ROR1: variants seen among roughly 807,000 people sequenced by gnomAD.
The protein encoded by ROR1 is ROR family WNT receptor 1.
Under a neutral mutation model 78.8 loss-of-function variants are expected in ROR1, and 19 were observed. The observed-to-expected ratio is 0.24, with a 90% CI of 0.17 to 0.35. ROR1 has a LOEUF of 0.35. Ranked by LOEUF, ROR1 falls within the 10% of genes least tolerant of loss-of-function variation. ROR1 has a pLI of 1.00. For missense variants in ROR1, 917 were observed against 1,177.8 expected (o/e 0.78, Z 3.24); for synonymous variants, 386 against 433.6 (o/e 0.89, Z 1.36).
chr1:63,862,707 G>A (rs1645189752), intron 1 of ROR1, among the ~76,000 whole-genome samples: 1 of 152,008 alleles, frequency 6.6e-6, no homozygotes, highest in South Asian at 2.1e-4. Flanking sequence ...TTCTTGGTGT[G>A]AATTCTGCCT....
intron 2 of ROR1, among the ~76,000 whole-genome samples, chr1:64,033,924 A>G (rs1448312383): frequency 1.3e-5 from 2 of 152,234 alleles, no homozygotes; most frequent in Non-Finnish European, 2.9e-5. Context: ...TGACACAGCC[A>G]GGACTCAAAC....
chr1:63,791,608 C>T (rs1644727288), intron 1 of ROR1, among the ~76,000 whole-genome samples: 1 of 152,042 alleles, frequency 6.6e-6, no homozygotes, highest in Non-Finnish European at 1.5e-5. Context: ...GCTGAGACCC[C>T]CATGCCTCAT....
chr1:64,108,453 G>A (rs1299810565), intron 4 of ROR1: 1 of 139,026 alleles, frequency 7.2e-6, no homozygotes, highest in Non-Finnish European at 1.5e-5. Flanking sequence ...AGCTTTAAGT[G>A]CTAGGACACA....
chr1:64,086,474 A>G (rs1647156408), intron 4 of ROR1, among the ~76,000 whole-genome samples: 1 of 152,248 alleles, frequency 6.6e-6, no homozygotes, highest in African/African-American at 2.4e-5. Flanking sequence ...TGTTCCTGCC[A>G]TCACAAGGCC....
At chr1:64,017,551 T>G (rs1363826881) in intron 2 of ROR1, among the ~76,000 whole-genome samples, 1 of 152,122 alleles carries the variant, frequency 6.6e-6, no homozygotes, top group Non-Finnish European at 1.5e-5. Flanking sequence ...TCAGCCCCCC[T>G]GCCATCCAGC....
At chr1:63,899,780 T>G (rs1403326325) in intron 1 of ROR1, among the ~76,000 whole-genome samples, 3 of 151,872 alleles carry the variant, frequency 2.0e-5, no homozygotes, top group Admixed American at 2.0e-4. Flanking sequence ...TACAAAGTTC[T>G]TCTAATTTTT....
Position 64,178,776 on chromosome 1 carries a change from T to G in ROR1, c.2735T>G (p.Ile912Ser). ...FGNKSQKPYKIDSKQASLLGD... is the reference protein window; with the variant it reads ...FGNKSQKPYKSDSKQASLLGD... The stretch of plus-strand genomic sequence containing the variant: ...AACAAATCTCAAAAACCCTACAAAA[T>G]TGACTCAAAGCAAGCATCTTTACTA... The change falls in exon 9 of 9, where the codon ATT (isoleucine) becomes AGT (serine). Residue 912 changes from isoleucine (I) to serine (S), a missense_variant. Transcript: ENST00000371079. This position sits in a 1 kb window ranked among gnomAD's most constrained non-coding sequence, Gnocchi z 4.3. The G allele has an allele frequency of 6.2e-7, 1 of 1,613,964 alleles. No individual in the cohort carries two copies. The highest frequency in any genetic ancestry group is 2.2e-5 in the East Asian group (1 of 44,864).
chr1:63,886,704 A>G lies in ROR1; in HGVS notation c.91+112196A>G, dbSNP rs192659092. On this transcript the variant is annotated intron_variant, in intron 1 of 8. Transcript: ENST00000371079. ...AGATTTAGAGAAGAAAAGTTTTTCTACTAGAGCTCATATTTCTCTCTTCTT... is the reference window on the plus strand; with the variant it reads ...AGATTTAGAGAAGAAAAGTTTTTCTGCTAGAGCTCATATTTCTCTCTTCTT... Among the ~76,000 whole-genome samples the G allele has an allele frequency of 5.3e-5, 8 of 152,282 alleles. No homozygotes were observed. In the East Asian group the frequency reaches 5.8e-4, roughly 11 times the overall value.
intron 1 of ROR1, among the ~76,000 whole-genome samples, chr1:63,910,003 G>A (rs1645557787): frequency 6.6e-6 from 1 of 152,162 alleles, no homozygotes; most frequent in African/African-American, 2.4e-5. Flanking sequence ...CTCAAGGGAC[G>A]GGACCTCTTG....
chr1:63,940,253 T>C (rs1368090960), intron 1 of ROR1, among the ~76,000 whole-genome samples: 1 of 152,068 alleles, frequency 6.6e-6, no homozygotes, highest in Non-Finnish European at 1.5e-5. Flanking sequence ...GCAGGGAAGG[T>C]ACAAATTAAG....
intron 1 of ROR1, among the ~76,000 whole-genome samples, chr1:63,979,619 C>T (rs1048498262): frequency 6.6e-6 from 1 of 152,088 alleles, no homozygotes; most frequent in Non-Finnish European, 1.5e-5. Context: ...CTTTGGGTGT[C>T]CCTCATTGGT....
At chr1:63,879,910 T>C (rs1645312047) in intron 1 of ROR1, among the ~76,000 whole-genome samples, 3 of 152,218 alleles carry the variant, frequency 2.0e-5, no homozygotes, top group South Asian at 4.2e-4. Context: ...TTTATTATAG[T>C]AGTGGTTGGA....
chr1:64,049,553 T>A (rs1277121676), intron 2 of ROR1, 138 bp from the exon 3 acceptor site: 2 of 757,428 alleles, frequency 2.6e-6, no homozygotes, highest in East Asian at 2.5e-5. Flanking sequence ...ATGTGATTGT[T>A]TCTTTCCTTG....
intron 1 of ROR1, among the ~76,000 whole-genome samples, chr1:63,986,847 T>C (rs1178801658): frequency 6.6e-6 from 1 of 150,576 alleles, no homozygotes; most frequent in African/African-American, 2.4e-5. Context: ...CAACAAGCCA[T>C]ATTTGACTCA....
chr1:64,155,537 T>C (rs760046945), intron 7 of ROR1, among the ~76,000 whole-genome samples: 12 of 152,208 alleles, frequency 7.9e-5, no homozygotes, highest in Non-Finnish European at 7.3e-5. Flanking sequence ...CTTGACTGTT[T>C]AAAGGATTCA....
chr1:64,056,910 A>G (rs1310588445), intron 4 of ROR1, among the ~76,000 whole-genome samples: 1 of 152,116 alleles, frequency 6.6e-6, no homozygotes, highest in Non-Finnish European at 1.5e-5. Flanking sequence ...TATTTTGGGT[A>G]TATACCCTTA....
intron 2 of ROR1, among the ~76,000 whole-genome samples, chr1:64,047,534 T>C (rs1470087559): frequency 2.0e-5 from 3 of 152,202 alleles, no homozygotes; most frequent in South Asian, 2.1e-4. Flanking sequence ...TCCAATGCAG[T>C]ATTAATCACT....
intron 2 of ROR1, among the ~76,000 whole-genome samples, chr1:64,009,870 TG>T (rs1420711054): frequency 6.6e-6 from 1 of 152,136 alleles, no homozygotes; most frequent in African/African-American, 2.4e-5. Flanking sequence ...GCTAGGAGAT[TG>T]TTGTTTAGCA....
intron 8 of ROR1, among the ~76,000 whole-genome samples, chr1:64,162,141 G>C (rs960732012): frequency 6.6e-6 from 1 of 152,326 alleles, no homozygotes; most frequent in East Asian, 1.9e-4. Flanking sequence ...ATGAAGGATA[G>C]AAGCCAGTCT....
Sources: gnomAD v4.1 joint callset for allele counts (sites outside exome capture counted in the v4.1 genomes callset) on GRCh38, gnomAD v4.1.1 for gene constraint, Gnocchi (gnomAD v3.1) non-coding constraint, MANE v1.5 for transcripts, NCBI Gene and HGNC (gene_info 2026-07-23, HGNC 2026-07-21) for gene names.